Variants in BRINP1 observed in about 807,000 individuals in gnomAD.
The protein encoded by BRINP1 is BMP/retinoic acid inducible neural specific 1, also known as BMP/retinoic acid-inducible neural-specific protein 1.
In BRINP1, 17 loss-of-function variants were observed where a neutral mutation model predicts 72.9. That is an observed-to-expected ratio of 0.23 (90% confidence interval 0.16 to 0.35). The LOEUF (loss-of-function observed/expected upper bound fraction) is 0.35. BRINP1 is among the 10% of genes least tolerant of loss of function. BRINP1 has a pLI of 1.00. For missense variants in BRINP1, 850 were observed against 1,001.6 expected, an observed-to-expected ratio of 0.85 and a Z score of 2.04; for synonymous variants, 418 against 378.5, an observed-to-expected ratio of 1.10 and a Z score of -1.21.
chr9:119,274,619 C>T (rs926977057), intron 2 of BRINP1, among the ~76,000 whole-genome samples: 1 of 152,160 alleles, frequency 6.6e-6, no homozygotes, highest in Non-Finnish European at 1.5e-5. Context: ...GTACCAGGGT[C>T]CTTATTTGTA....
intron 6 of BRINP1, among the ~76,000 whole-genome samples, chr9:119,209,771 T>C (rs1229049322): frequency 1.3e-5 from 2 of 152,176 alleles, no homozygotes; most frequent in African/African-American, 2.4e-5. Flanking sequence ...TTAGCAAGTG[T>C]TAGGTGTTAA....
At chr9:119,336,774 TG>T (rs1225308508) in intron 1 of BRINP1, among the ~76,000 whole-genome samples, 11 of 151,560 alleles carry the variant, frequency 7.3e-5, no homozygotes, top group African/African-American at 2.2e-4. Flanking sequence ...GGGTGAATTG[TG>T]GGGAATGGGG....
chr9:119,318,836 A>AGG (rs1831152705), intron 1 of BRINP1, among the ~76,000 whole-genome samples: 1 of 117,528 alleles, frequency 8.5e-6, no homozygotes, highest in African/African-American at 3.1e-5. Flanking sequence ...TGGAAGAGAA[A>AGG]TGTGTGGGGT....
chr9:119,291,161 T>G (rs924867442), intron 2 of BRINP1, among the ~76,000 whole-genome samples: 2 of 151,446 alleles, frequency 1.3e-5, no homozygotes, highest in Admixed American at 1.3e-4. Context: ...TTGCTCCCTC[T>G]AGGCAGACAA....
chr9:119,280,590 A>G (rs1830700845), intron 2 of BRINP1, among the ~76,000 whole-genome samples: 1 of 152,084 alleles, frequency 6.6e-6, no homozygotes, highest in Non-Finnish European at 1.5e-5. Flanking sequence ...CCCAATTGAG[A>G]TGCAGCAATA....
intron 7 of BRINP1, among the ~76,000 whole-genome samples, chr9:119,185,145 C>G (rs1220347071): frequency 6.6e-6 from 1 of 152,110 alleles, no homozygotes; most frequent in Non-Finnish European, 1.5e-5. Flanking sequence ...TATATCATAA[C>G]TGGAATACCC....
At chr9:119,283,964 G>T (rs1225207756) in intron 2 of BRINP1, among the ~76,000 whole-genome samples, 1 of 152,158 alleles carries the variant, frequency 6.6e-6, no homozygotes, top group Non-Finnish European at 1.5e-5. Context: ...GCAGCATCTG[G>T]TGAGTTTCAG....
chr9:119,255,881 G>A (rs1830441296), intron 2 of BRINP1, among the ~76,000 whole-genome samples: 1 of 147,336 alleles, frequency 6.8e-6, no homozygotes, highest in African/African-American at 2.5e-5. Flanking sequence ...CTTGAACCCG[G>A]GAGGCGGAGG....
intron 7 of BRINP1, among the ~76,000 whole-genome samples, chr9:119,182,963 TACTC>T (rs1420784138): frequency 6.6e-6 from 1 of 152,204 alleles, no homozygotes; most frequent in Non-Finnish European, 1.5e-5. Flanking sequence ...AATGATATAT[TACTC>T]AGCAGGATGG....
At chr9:119,296,654 C>T (rs117302816) in intron 2 of BRINP1, among the ~76,000 whole-genome samples, 472 of 152,310 alleles carry the variant, frequency 3.1e-3, no homozygotes, top group Non-Finnish European at 5.4e-3. Flanking sequence ...CACACTCACC[C>T]ACACACAAAG....
chr9:119,351,604 C>T (rs1831508349), intron 1 of BRINP1, among the ~76,000 whole-genome samples: 2 of 152,162 alleles, frequency 1.3e-5, no homozygotes, highest in African/African-American at 2.4e-5. Flanking sequence ...CACTTTTCTA[C>T]AGACCCCATA....
intron 1 of BRINP1, among the ~76,000 whole-genome samples, chr9:119,365,945 C>T (rs922071311): frequency 1.4e-4 from 22 of 152,104 alleles, no homozygotes; most frequent in Admixed American, 1.4e-3. Context: ...CAGTATCTGC[C>T]TGCACCCCGA....
At chr9:119,265,537 C>A (rs1830539778) in intron 2 of BRINP1, among the ~76,000 whole-genome samples, 1 of 152,086 alleles carries the variant, frequency 6.6e-6, no homozygotes, top group Non-Finnish European at 1.5e-5. Context: ...GCAGAGGTTG[C>A]AGTGAGCTGA....
At chr9:119,367,425 A>G (rs1172173738) in intron 1 of BRINP1, among the ~76,000 whole-genome samples, 1 of 151,706 alleles carries the variant, frequency 6.6e-6, no homozygotes, top group African/African-American at 2.4e-5. Context: ...TACCTTGAGA[A>G]AGTAACAGCT....
intron 2 of BRINP1, among the ~76,000 whole-genome samples, chr9:119,250,982 T>A (rs1382478951): frequency 6.6e-6 from 1 of 152,186 alleles, no homozygotes; most frequent in Admixed American, 6.5e-5. Context: ...CTGGCCGGAA[T>A]GTGCCCTGGT....
chr9:119,168,287 A>C (rs1312539770), intron 7 of BRINP1, 63 bp from the exon 8 acceptor site: 1 of 1,327,874 alleles, frequency 7.5e-7, no homozygotes. Context: ...AGTTACAGTT[A>C]TCCAACTGAT....
chr9:119,277,444 G>A (rs1237204146), intron 2 of BRINP1, among the ~76,000 whole-genome samples: 1 of 152,124 alleles, frequency 6.6e-6, no homozygotes, highest in Non-Finnish European at 1.5e-5. Flanking sequence ...GCTTGATGGT[G>A]AGGATGTTTA....
intron 7 of BRINP1, among the ~76,000 whole-genome samples, chr9:119,188,242 A>G (rs75936034): frequency 0.012 from 1,792 of 152,316 alleles, 28 homozygotes; most frequent in African/African-American, 0.04. Context: ...GTCCAACCCA[A>G]AGAAGTCCTC....
At chr9:119,175,317 A>G (rs1372835509) in intron 7 of BRINP1, among the ~76,000 whole-genome samples, 1 of 151,968 alleles carries the variant, frequency 6.6e-6, no homozygotes, top group African/African-American at 2.4e-5. Context: ...TGGGAGTTGA[A>G]CAATGAGAAC....
Sources: gnomAD v4.1 joint callset for allele counts (sites outside exome capture counted in the v4.1 genomes callset) on GRCh38, gnomAD v4.1.1 for gene constraint, MANE v1.5 for transcripts, NCBI Gene and HGNC (gene_info 2026-07-23, HGNC 2026-07-21) for gene names.